Variants in FREM1 observed in about 807,000 individuals in gnomAD.
FREM1 encodes FRAS1 related extracellular matrix 1.
FREM1 carries 220 observed loss-of-function variants against 210.1 expected under a neutral mutation model. The observed-to-expected ratio is 1.05, with a 90% CI of 0.94 to 1.17. The LOEUF (loss-of-function observed/expected upper bound fraction) is 1.17, where lower values mean the gene tolerates loss of function less well. FREM1 is among the 50% of genes most tolerant of loss of function. The pLI, the probability that FREM1 is intolerant of heterozygous loss-of-function variation, is 0.00. For synonymous variants in FREM1, 1,189 were observed against 980.2 expected, an observed-to-expected ratio of 1.21 and a Z score of -3.98; for missense variants, 3,454 against 2,675.5, an observed-to-expected ratio of 1.29 and a Z score of -6.42.
At chr9:14,742,696 G>A (rs1841784579) in intron 35 of FREM1, among the ~76,000 whole-genome samples, 1 of 152,086 alleles carries the variant, frequency 6.6e-6, no homozygotes, top group South Asian at 2.1e-4. Context: ...GCCTTGAAAG[G>A]TTAGTTTGAT....
rs1455772434 is a variant in FREM1 at position 14,836,697 on chromosome 9, A to G, written c.1881+4750T>C. On this transcript the variant is annotated intron_variant, in intron 10 of 36. Coordinates refer to ENST00000380880, the MANE Select transcript of FREM1 (RefSeq NM_001379081.2). The surrounding 1 kb of genome is among the most constrained non-coding windows in gnomAD (Gnocchi z 4.9). Reference sequence around the variant, plus strand: ...TCGCCTAAAAGCAATCAAACTCCAAATGGTGCTGCAAACTGAACCGCATGT... The same window carrying G: ...TCGCCTAAAAGCAATCAAACTCCAAGTGGTGCTGCAAACTGAACCGCATGT... Among the ~76,000 whole-genome samples the G allele has an allele frequency of 6.6e-6, 1 of 152,160 alleles. No homozygotes were observed. The highest frequency in any genetic ancestry group is 1.5e-5 in the Non-Finnish European group (1 of 68,026).
intron 1 of FREM1, among the ~76,000 whole-genome samples, chr9:14,881,961 C>A (rs1345265552): frequency 6.6e-6 from 1 of 152,122 alleles, no homozygotes; most frequent in Non-Finnish European, 1.5e-5. Flanking sequence ...AAAAATGAGG[C>A]TATGGCATAG....
chr9:14,860,836 T>TAC (rs1564102326), intron 3 of FREM1, among the ~76,000 whole-genome samples: 5 of 113,370 alleles, frequency 4.4e-5, no homozygotes, highest in Admixed American at 1.9e-4. Flanking sequence ...CATATATACG[T>TAC]ATATATACAT....
intron 10 of FREM1, among the ~76,000 whole-genome samples, chr9:14,827,657 C>T (rs747810882): frequency 6.6e-6 from 1 of 152,156 alleles, no homozygotes. Flanking sequence ...TAGAAAGAAA[C>T]CAGCTGCTAT....
At chr9:14,755,268 A>T (rs1844111957) in intron 29 of FREM1, among the ~76,000 whole-genome samples, 1 of 152,200 alleles carries the variant, frequency 6.6e-6, no homozygotes, top group Admixed American at 6.5e-5. Context: ...GCAGAGAGCC[A>T]TTTCTTTTCT....
chr9:14,791,217 T>G (rs1309015379), intron 22 of FREM1: 2 of 152,212 alleles, frequency 1.3e-5, no homozygotes, highest in East Asian at 3.9e-4. Flanking sequence ...TTGGGCATCA[T>G]GCACACAGTC....
At chr9:14,835,931 G>A (rs577517584) in intron 10 of FREM1, among the ~76,000 whole-genome samples, 7 of 152,234 alleles carry the variant, frequency 4.6e-5, no homozygotes, top group Non-Finnish European at 7.4e-5. Flanking sequence ...GACGAACCCT[G>A]CTTATTCCTG....
Position 14,756,356 on chromosome 9 carries a change from T to G in FREM1, c.5407+18A>C. 6.4e-7 allele frequency: 1 copy of G among 1,552,764 alleles called. No homozygotes were observed. Among genetic ancestry groups the G allele is most frequent in the Non-Finnish European group, 8.8e-7 (1 of 1,141,954 alleles). On this transcript the variant is annotated intron_variant, in intron 29 of 36. Transcript: ENST00000380880. ...AAAAAACAAAACACATAAAACAAAC[T>G]GCAGACACAAAATGTACCTGGGTCA... is the stretch of plus-strand genomic sequence containing the variant.
At chr9:14,858,483 A>C (rs895763083) in intron 4 of FREM1, among the ~76,000 whole-genome samples, 2 of 148,900 alleles carry the variant, frequency 1.3e-5, no homozygotes, top group African/African-American at 5.0e-5. Flanking sequence ...TATAGGTGTG[A>C]GCCACCATGC....
intron 1 of FREM1, among the ~76,000 whole-genome samples, chr9:14,889,836 T>C (rs16892): frequency 0.15 from 23,100 of 152,200 alleles, 2,218 homozygotes; most frequent in Middle Eastern, 0.25. Context: ...AAGTGCCATG[T>C]GACGTGGGAG....
intron 27 of FREM1, 125 bp from the exon 28 acceptor site, chr9:14,760,026 G>C (rs1479996335): frequency 5.1e-6 from 3 of 585,874 alleles, no homozygotes; most frequent in African/African-American, 1.9e-5. Context: ...AATTCCTTAA[G>C]ACTTATTTGA....
At chr9:14,780,155 G>GA (rs1315236188) in intron 24 of FREM1, among the ~76,000 whole-genome samples, 1 of 152,132 alleles carries the variant, frequency 6.6e-6, no homozygotes, top group Non-Finnish European at 1.5e-5. Context: ...CTGAGGTGAA[G>GA]AAGTTGGTGG....
chr9:14,767,217 T>C (rs1476242581), intron 27 of FREM1, among the ~76,000 whole-genome samples: 7 of 152,168 alleles, frequency 4.6e-5, no homozygotes, highest in African/African-American at 1.7e-4. Context: ...AGATACGAAG[T>C]GCACACTAAT....
chr9:14,758,168 G>A (rs572381286), intron 28 of FREM1, among the ~76,000 whole-genome samples: 29 of 152,170 alleles, frequency 1.9e-4, no homozygotes. Flanking sequence ...CTAGTGTAAG[G>A]CTGCAGGTTG....
intron 3 of FREM1, among the ~76,000 whole-genome samples, chr9:14,860,618 T>C (rs1259432639): frequency 2.4e-5 from 3 of 127,110 alleles, no homozygotes; most frequent in Non-Finnish European, 5.1e-5. Flanking sequence ...TATACACACA[T>C]ATATATACAC....
At chr9:14,754,646 G>A (rs1221778832) in intron 29 of FREM1, among the ~76,000 whole-genome samples, 1 of 152,032 alleles carries the variant, frequency 6.6e-6, no homozygotes, top group African/African-American at 2.4e-5. Flanking sequence ...ATAAAAAGGG[G>A]GACTTGGCTG....
At chr9:14,803,772 T>C (rs922117407) in intron 19 of FREM1, among the ~76,000 whole-genome samples, 1 of 152,202 alleles carries the variant, frequency 6.6e-6, no homozygotes, top group Non-Finnish European at 1.5e-5. Context: ...TTGCCATATA[T>C]GATACTTGTG....
In FREM1 at chr9:14,909,188, A is replaced by C. The variant is rs1432397772; in HGVS notation, c.-268+726T>G. Among the ~76,000 whole-genome samples the C allele has an allele frequency of 2.0e-5, 3 of 152,022 alleles. No individual in the cohort carries two copies. The East Asian group carries it at 5.8e-4, about 29-fold the overall frequency. On this transcript the variant is annotated intron_variant, in intron 1 of 36. Coordinates refer to ENST00000380880, the MANE Select transcript of FREM1 (RefSeq NM_001379081.2). ...ACCAAGCAACAAGACTGGGTGCAAT[A>C]GTTTAAAAAAAAATCAGAAACTAAA... is the stretch of plus-strand genomic sequence containing the variant.
In FREM1 at chr9:14,770,724, T is replaced by C; in HGVS notation, c.4940A>G (p.Tyr1647Cys). The C allele has an allele frequency of 6.2e-7, 1 of 1,613,358 alleles. No homozygotes were observed. Among genetic ancestry groups the C allele is most frequent in the Non-Finnish European group, 8.5e-7 (1 of 1,179,490 alleles). Reference protein sequence around the residue: ...SQVGLLKNGCYGIYITSRVLK... With the variant: ...SQVGLLKNGCCGIYITSRVLK... ...CACGCGGGAAGTGATGTAAATCCCG[T>C]AGCAGCCATTTTTCAGGAGCCCCAC... is the stretch of plus-strand genomic sequence containing the variant. Residue 1647 changes from tyrosine (Y) to cysteine (C), a missense_variant, in exon 26 of 37, where the codon TAC (tyrosine) becomes TGC (cysteine). Physicochemically the swap from Tyr to Cys is radical, Grantham distance 194 (BLOSUM62 -2). Coordinates refer to ENST00000380880, the MANE Select transcript of FREM1 (RefSeq NM_001379081.2).
Sources: gnomAD v4.1 joint callset for allele counts (sites outside exome capture counted in the v4.1 genomes callset) on GRCh38, gnomAD v4.1.1 for gene constraint, Gnocchi (gnomAD v3.1) non-coding constraint, MANE v1.5 for transcripts, NCBI Gene and HGNC (gene_info 2026-07-23, HGNC 2026-07-21) for gene names.